Variants in DENND5A observed in about 807,000 individuals in gnomAD.
The protein encoded by DENND5A is DENN domain containing 5A.
A neutral mutation model predicts 140.3 loss-of-function variants in DENND5A; 64 were observed. The ratio of observed to expected loss-of-function variants is 0.46; its 90% CI spans 0.37 to 0.56. The LOEUF (loss-of-function observed/expected upper bound fraction) is 0.56. Ranked by LOEUF, DENND5A falls within the 20% of genes least tolerant of loss-of-function variation. The pLI is 0.00. For missense variants in DENND5A, 1,292 were observed against 1,593.8 expected (o/e 0.81, Z 3.22); for synonymous variants, 605 against 607.7 (o/e 1.00, Z 0.07).
intron 15 of DENND5A, among the ~76,000 whole-genome samples, chr11:9,147,793 T>C (rs1420961065): frequency 6.6e-6 from 1 of 152,182 alleles, no homozygotes; most frequent in South Asian, 2.1e-4. Flanking sequence ...CTCCTTTGCC[T>C]GACATTCCAG....
In DENND5A at chr11:9,204,262, T is replaced by C. The variant is rs186761148; in HGVS notation, c.347A>G (p.Gln116Arg). Residue 116 changes from glutamine (Q) to arginine (R), a missense_variant, in exon 4 of 23, where the codon CAA becomes CGA. By Grantham distance (43) the Gln-to-Arg change is conservative. Around this residue, in one of 4 missense-constraint regions of DENND5A, gnomAD observed 566 missense variants for 650.4 expected, o/e 0.87. Transcript: ENST00000328194. The part of the protein sequence containing the change: ...FKTQADPREP[Q>R]FHAFIITRED... The stretch of plus-strand genomic sequence containing the variant: ...CCTTGTGATAATAAAGGCATGGAAT[T>C]GGGGCTCCCTGGGATCAGCCTGGGT... The C allele has an allele frequency of 1.9e-6, 3 of 1,613,888 alleles. No individual in the cohort carries two copies. In the African/African-American group the frequency reaches 4.0e-5, roughly 22 times the overall value.
chr11:9,163,578 C>G (rs1362951465), intron 11 of DENND5A, among the ~76,000 whole-genome samples: 4 of 151,988 alleles, frequency 2.6e-5, no homozygotes, highest in African/African-American at 9.7e-5. Context: ...CCGAGGCAGA[C>G]AGATCACTTG....
At position 9,146,881 on chromosome 11, in the gene DENND5A, A is replaced by G. The variant is rs142422567; in HGVS notation, c.2857+149T>C. 6.7e-4 allele frequency: 553 copies of G among 828,644 alleles called. 9 individuals are homozygous for G. The East Asian group carries it at 0.014, about 21-fold the overall frequency. The allele number at this position is 828,644 out of a possible 1,614,324, so 51.3% of individuals were successfully genotyped here. On this transcript the variant is annotated intron_variant, in intron 16 of 22. Transcript: ENST00000328194. ...AGAAAACACAGCCTCCAAGGAGGGC[A>G]AGTGCACCTCTCTCCCCACAGAGGC...
chr11:9,246,611 C>CAAA (rs369946476), intron 1 of DENND5A, among the ~76,000 whole-genome samples: 4 of 63,116 alleles, frequency 6.3e-5, no homozygotes, highest in South Asian at 6.3e-4. Context: ...AACTAAGTCT[C>CAAA]AAAAAAAAAA....
intron 1 of DENND5A, among the ~76,000 whole-genome samples, chr11:9,236,936 A>C (rs1851027917): frequency 6.6e-6 from 1 of 152,202 alleles, no homozygotes; most frequent in South Asian, 2.1e-4. Context: ...GCACAGAAAT[A>C]TATTTAGAAC....
intron 4 of DENND5A, among the ~76,000 whole-genome samples, chr11:9,202,532 C>T (rs558511508): frequency 4.9e-4 from 75 of 152,080 alleles, no homozygotes; most frequent in Non-Finnish European, 1.0e-3. Context: ...GAATACCCCT[C>T]GCGAATCTTC....
intron 1 of DENND5A, among the ~76,000 whole-genome samples, chr11:9,254,187 G>A (rs1050486064): frequency 1.3e-5 from 2 of 148,984 alleles, no homozygotes; most frequent in Non-Finnish European, 3.0e-5. Context: ...AAAGCCAGGT[G>A]TGGTGGCACT....
chr11:9,206,204 T>C (rs1282092560), intron 3 of DENND5A, among the ~76,000 whole-genome samples: 3 of 152,194 alleles, frequency 2.0e-5, no homozygotes, highest in African/African-American at 7.2e-5. Context: ...TGGTATATTC[T>C]TCCACATGAG....
At chr11:9,229,262 A>G (rs753245564) in intron 1 of DENND5A, among the ~76,000 whole-genome samples, 5 of 152,094 alleles carry the variant, frequency 3.3e-5, no homozygotes, top group Non-Finnish European at 7.4e-5. Flanking sequence ...CCAAATATGC[A>G]TTTATCACAG....
intron 1 of DENND5A, among the ~76,000 whole-genome samples, chr11:9,217,320 C>T (rs1369874072): frequency 6.6e-6 from 1 of 152,036 alleles, no homozygotes; most frequent in Non-Finnish European, 1.5e-5. Flanking sequence ...TTGAGACCAG[C>T]CTGGCCAACA....
intron 5 of DENND5A, among the ~76,000 whole-genome samples, chr11:9,184,655 A>G (rs774571800): frequency 2.5e-4 from 38 of 152,218 alleles, no homozygotes; most frequent in Non-Finnish European, 4.9e-4. Flanking sequence ...TGAGCATAAA[A>G]TGGCACTGCA....
At chr11:9,210,608 A>T (rs908241182) in intron 1 of DENND5A, among the ~76,000 whole-genome samples, 1 of 152,204 alleles carries the variant, frequency 6.6e-6, no homozygotes, top group Non-Finnish European at 1.5e-5. Context: ...CAGTGGCACA[A>T]TCACGGCTCA....
At chr11:9,208,370 T>C (rs372980396) in intron 1 of DENND5A, among the ~76,000 whole-genome samples, 11 of 152,350 alleles carry the variant, frequency 7.2e-5, no homozygotes, top group African/African-American at 2.6e-4. Flanking sequence ...CTGTTACAAA[T>C]GTAGTTTTTC....
At chr11:9,217,092 T>C (rs1378591049) in intron 1 of DENND5A, among the ~76,000 whole-genome samples, 2 of 152,108 alleles carry the variant, frequency 1.3e-5, no homozygotes, top group East Asian at 3.9e-4. Context: ...ATGAATGAAA[T>C]GTATAATAAT....
intron 1 of DENND5A, among the ~76,000 whole-genome samples, chr11:9,260,811 G>A (rs986269821): frequency 6.6e-6 from 1 of 152,108 alleles, no homozygotes; most frequent in African/African-American, 2.4e-5. Context: ...AACACAGCAA[G>A]CTCTATGCTT....
intron 4 of DENND5A, 73 bp downstream of exon 4, chr11:9,203,587 G>A: frequency 6.7e-7 from 1 of 1,503,566 alleles, no homozygotes. Context: ...TTTACAGTCA[G>A]CCTCACTGTA....
intron 14 of DENND5A, among the ~76,000 whole-genome samples, 157 bp from the exon 15 acceptor site, chr11:9,150,366 A>G (rs1847575274): frequency 6.6e-6 from 1 of 152,192 alleles, no homozygotes; most frequent in Non-Finnish European, 1.5e-5. Flanking sequence ...GCTTCCATGT[A>G]GCTTTACCAG....
chr11:9,197,991 T>A (rs181385489), intron 4 of DENND5A, among the ~76,000 whole-genome samples: 1 of 152,296 alleles, frequency 6.6e-6, no homozygotes, highest in Non-Finnish European at 1.5e-5. Flanking sequence ...TTTTCCCCAC[T>A]CTGAGTAAAG....
At chr11:9,197,206 G>A (rs774195522) in intron 4 of DENND5A, among the ~76,000 whole-genome samples, 8 of 151,614 alleles carry the variant, frequency 5.3e-5, no homozygotes, top group Non-Finnish European at 1.2e-4. Flanking sequence ...TAGGGAGGCT[G>A]AGGCAGAAGA....
Sources: allele counts gnomAD v4.1 joint callset (sites outside exome capture counted in the v4.1 genomes callset), GRCh38; gene constraint gnomAD v4.1.1; regional missense constraint gnomAD v4.1.1; transcripts MANE v1.5; gene names NCBI Gene and HGNC (gene_info 2026-07-23, HGNC 2026-07-21).